The following MAST4 variants were observed in gnomAD, a reference collection of about 807,000 sequenced individuals.
MAST4 encodes the protein microtubule-associated serine/threonine-protein kinase 4.
Under a neutral mutation model 162.7 loss-of-function variants are expected in MAST4, and 89 were observed. The observed-to-expected ratio is 0.55, with a 90% CI of 0.46 to 0.65. The LOEUF (loss-of-function observed/expected upper bound fraction) is 0.65, where lower values mean the gene tolerates loss of function less well. Ranked by LOEUF, MAST4 falls within the 30% of genes least tolerant of loss-of-function variation. The probability of loss-of-function intolerance (pLI) is 0.00; values close to 1 mark genes in which losing one functional copy is unlikely to be tolerated. For missense variants in MAST4, 3,153 were observed against 3,374.0 expected, an observed-to-expected ratio of 0.93 and a Z score of 1.62; for synonymous variants, 1,479 against 1,361.1, an observed-to-expected ratio of 1.09 and a Z score of -1.91.
intron 23 of MAST4, among the ~76,000 whole-genome samples, chr5:67,147,509 A>T (rs371444225): frequency 2.0e-5 from 3 of 152,216 alleles, no homozygotes; most frequent in Admixed American, 2.0e-4. Context: ...AACTTTATAC[A>T]TGTTTCTCTT....
intron 7 of MAST4, among the ~76,000 whole-genome samples, chr5:67,097,413 T>C (rs1223485232): frequency 6.6e-6 from 1 of 152,132 alleles, no homozygotes; most frequent in Non-Finnish European, 1.5e-5. Context: ...AGAGACTGTT[T>C]AACTGAGTGA....
chr5:66,808,566 T>C (rs1182777798), intron 3 of MAST4, among the ~76,000 whole-genome samples: 3 of 152,222 alleles, frequency 2.0e-5, no homozygotes, highest in Non-Finnish European at 4.4e-5. Flanking sequence ...CTACCTGTTC[T>C]CCCATGAAAC....
At chr5:66,916,992 C>A in intron 4 of MAST4, 1 of 717,926 alleles carries the variant, frequency 1.4e-6, no homozygotes, top group Non-Finnish European at 2.6e-6. Context: ...GGATAGATTC[C>A]CAGAAGTGGA....
intron 14 of MAST4, among the ~76,000 whole-genome samples, chr5:67,124,269 G>A (rs959006747): frequency 1.9e-4 from 29 of 152,194 alleles, no homozygotes; most frequent in Admixed American, 1.8e-3. Flanking sequence ...CCTCTTCAAA[G>A]AAAGCACAAC....
chr5:66,946,289 C>G (rs1185819777), intron 4 of MAST4, among the ~76,000 whole-genome samples: 3 of 152,038 alleles, frequency 2.0e-5, no homozygotes, highest in African/African-American at 7.2e-5. Context: ...TTGCTTTGGT[C>G]TCTATTTTTA....
chr5:66,777,463 T>C (rs1436509038), intron 2 of MAST4, among the ~76,000 whole-genome samples: 1 of 152,232 alleles, frequency 6.6e-6, no homozygotes, highest in Non-Finnish European at 1.5e-5. Context: ...GCTTAGAAGG[T>C]TAAGCCTGTC....
rs147373091 is a variant in MAST4, at chr5:67,056,505, T to A, written c.763+2013T>A. Among the ~76,000 whole-genome samples the A allele has an allele frequency of 4.1e-3, 625 of 152,356 alleles. 4 individuals carry two copies. Among genetic ancestry groups the A allele is most frequent in the African/African-American group, 0.014 (590 of 41,574 alleles). The stretch of plus-strand genomic sequence containing the variant: ...CACCATCATTTATGTGCCTGTTGAT[T>A]CATCTTTTATAGCTGTGATTTTCTT... On this transcript the variant is annotated intron_variant, in intron 5 of 28. Coordinates refer to ENST00000403625, the MANE Select transcript of MAST4 (RefSeq NM_001164664.2).
chr5:66,847,998 C>T (rs554424561), intron 3 of MAST4, among the ~76,000 whole-genome samples: 2 of 152,038 alleles, frequency 1.3e-5, no homozygotes, highest in Non-Finnish European at 2.9e-5. Context: ...TTGTCCTAAG[C>T]AAAACCTCTT....
intron 4 of MAST4, among the ~76,000 whole-genome samples, chr5:67,010,779 GGT>G (rs1752576298): frequency 1.3e-5 from 2 of 152,234 alleles, no homozygotes; most frequent in East Asian, 1.9e-4. Flanking sequence ...TTGAAGTGAA[GGT>G]GTGTGTTGCA....
intron 4 of MAST4, among the ~76,000 whole-genome samples, chr5:66,967,407 C>G (rs181506805): frequency 6.6e-6 from 1 of 152,260 alleles, no homozygotes; most frequent in Admixed American, 6.5e-5. Flanking sequence ...CAGGACAGCT[C>G]AGTTGCTAAA....
intron 3 of MAST4, chr5:66,789,596 C>T (rs1755288731): frequency 2.9e-6 from 1 of 341,934 alleles, no homozygotes; most frequent in Non-Finnish European, 5.9e-6. Flanking sequence ...TTTTGCATTC[C>T]AGGCAAGAAT....
At chr5:67,133,123 A>G (rs1674808181) in intron 16 of MAST4, among the ~76,000 whole-genome samples, 1 of 151,964 alleles carries the variant, frequency 6.6e-6, no homozygotes. Context: ...TCTTTATTTT[A>G]TGCCTCATTT....
chr5:66,701,495 T>A (rs1749774073), intron 1 of MAST4, among the ~76,000 whole-genome samples: 1 of 152,222 alleles, frequency 6.6e-6, no homozygotes, highest in African/African-American at 2.4e-5. Flanking sequence ...TGTTTAGCTG[T>A]CTAGTTTTTG....
intron 1 of MAST4, among the ~76,000 whole-genome samples, chr5:66,751,627 A>C (rs1401368995): frequency 6.6e-6 from 1 of 151,116 alleles, no homozygotes; most frequent in African/African-American, 2.4e-5. Context: ...AAAGCCTCCA[A>C]GAAATATGGG....
intron 1 of MAST4, among the ~76,000 whole-genome samples, chr5:66,652,330 T>C (rs1746280383): frequency 1.3e-5 from 2 of 152,172 alleles, no homozygotes; most frequent in African/African-American, 2.4e-5. Flanking sequence ...TGTAATCATA[T>C]CACCCTGCAT....
intron 1 of MAST4, among the ~76,000 whole-genome samples, chr5:66,700,538 C>T (rs186675752): frequency 3.7e-3 from 567 of 151,830 alleles, no homozygotes; most frequent in Non-Finnish European, 5.6e-3. Flanking sequence ...AAAAACTAGC[C>T]GGGCTGGTGG....
intron 3 of MAST4, among the ~76,000 whole-genome samples, chr5:66,866,653 G>A (rs528809684): frequency 3.9e-5 from 6 of 152,352 alleles, no homozygotes; most frequent in Admixed American, 3.9e-4. Flanking sequence ...TTGGTTGGGG[G>A]TGAGATATAA....
Position 67,164,153 on chromosome 5 carries a change from T to C in MAST4, c.4974T>C (p.Ser1658=), listed in dbSNP as rs746199673. 27 of 1,608,728 alleles carry C rather than the reference T, an allele frequency of 1.7e-5. No individual in the cohort carries two copies. The African/African-American group carries it at 2.9e-4, about 18-fold the overall frequency. ...GCCACTCCCTCGACAGGGGCATCTC[T>C]GGGAAGGGGGAAGGCACGGAGAAGT... is the stretch of plus-strand genomic sequence containing the variant. The part of the protein sequence containing the change: ...GLCHSLDRGI[S]GKGEGTEKSS... The change falls in exon 29 of 29, where the codon TCT becomes TCC. Residue 1658 remains serine (S), a synonymous_variant. Transcript: ENST00000403625. This position sits in a 1 kb window ranked among gnomAD's most constrained non-coding sequence, Gnocchi z 5.3.
At chr5:67,023,061 A>G (rs577180585) in intron 4 of MAST4, among the ~76,000 whole-genome samples, 1 of 152,318 alleles carries the variant, frequency 6.6e-6, no homozygotes, top group Non-Finnish European at 1.5e-5. Flanking sequence ...AGCTAAATAG[A>G]GCAAGAACAA....
Sources: gnomAD v4.1 joint callset for allele counts (sites outside exome capture counted in the v4.1 genomes callset) on GRCh38, gnomAD v4.1.1 for gene constraint, Gnocchi (gnomAD v3.1) non-coding constraint, MANE v1.5 for transcripts, NCBI Gene and HGNC (gene_info 2026-07-23, HGNC 2026-07-21) for gene names.